SVIL: variants seen among roughly 807,000 people sequenced by gnomAD.
SVIL encodes supervillin.
A neutral mutation model predicts 240.4 loss-of-function variants in SVIL; 101 were observed. That is an observed-to-expected ratio of 0.42 (90% CI 0.36 to 0.50). SVIL has a LOEUF of 0.50. SVIL is among the 20% of genes least tolerant of loss of function. The pLI is 0.01. For missense variants in SVIL, 2,512 were observed against 2,818.7 expected (o/e 0.89, Z 2.46); for synonymous variants, 999 against 1,100.0 (o/e 0.91, Z 1.82).
chr10:29,538,659 G>C (rs1951914714), intron 6 of SVIL, among the ~76,000 whole-genome samples: 1 of 152,220 alleles, frequency 6.6e-6, no homozygotes, highest in South Asian at 2.1e-4. Context: ...ATAGTGTGCT[G>C]CATGGCCAGA....
intron 3 of SVIL, among the ~76,000 whole-genome samples, chr10:29,557,464 A>C (rs927185361): frequency 1.9e-4 from 29 of 152,132 alleles, no homozygotes; most frequent in African/African-American, 6.0e-4. Flanking sequence ...TAATAAACCG[A>C]GTATCATGTA....
chr10:29,640,292 C>A (rs1359184706), intron 3 of SVIL, among the ~76,000 whole-genome samples: 2 of 152,150 alleles, frequency 1.3e-5, no homozygotes, highest in Admixed American at 1.3e-4. Flanking sequence ...CTGACCACTT[C>A]CGCCTCCATG....
chr10:29,475,388 A>G (rs1471063252), intron 29 of SVIL: 1 of 152,226 alleles, frequency 6.6e-6, no homozygotes, highest in Non-Finnish European at 1.5e-5. Context: ...GATTCCCTTC[A>G]TTCGTTCATG....
intron 3 of SVIL, among the ~76,000 whole-genome samples, chr10:29,655,879 T>TGGG (rs1958985716): frequency 9.2e-5 from 14 of 151,616 alleles, no homozygotes; most frequent in African/African-American, 2.9e-4. Flanking sequence ...TGTGGGTTTT[T>TGGG]TTTTTTTTTT....
At chr10:29,545,227 G>A (rs1300845788) in intron 6 of SVIL, 11 of 407,320 alleles carry the variant, frequency 2.7e-5, no homozygotes, top group Admixed American at 8.0e-5. Context: ...TAAACTCCAA[G>A]TGCCCAGCAC....
At chr10:29,521,912 C>A (rs1329085356) in intron 16 of SVIL, among the ~76,000 whole-genome samples, 2 of 152,186 alleles carry the variant, frequency 1.3e-5, no homozygotes, top group Non-Finnish European at 2.9e-5. Flanking sequence ...ATTTTACAAT[C>A]TGTAAAAGAA....
At chr10:29,529,207 A>T (rs1278924096) in intron 12 of SVIL, among the ~76,000 whole-genome samples, 6 of 151,266 alleles carry the variant, frequency 4.0e-5, no homozygotes, top group African/African-American at 1.5e-4. Flanking sequence ...AAAAAAAGAA[A>T]AAAAGAAAAG....
chr10:29,687,344 A>G (rs1305020525), intron 1 of SVIL, among the ~76,000 whole-genome samples: 1 of 152,090 alleles, frequency 6.6e-6, no homozygotes, highest in African/African-American at 2.4e-5. Context: ...TCAAACATTC[A>G]CCTTACCGTA....
intron 12 of SVIL, among the ~76,000 whole-genome samples, chr10:29,527,329 T>G (rs1382971993): frequency 6.6e-6 from 1 of 152,130 alleles, no homozygotes; most frequent in Admixed American, 6.5e-5. Flanking sequence ...CATGTCTTGG[T>G]GTAAAAAAAA....
chr10:29,492,315 C>A (rs1206826628), intron 21 of SVIL, among the ~76,000 whole-genome samples: 1 of 152,006 alleles, frequency 6.6e-6, no homozygotes, highest in African/African-American at 2.4e-5. Flanking sequence ...AAAAGCTACC[C>A]GTGCTGGGCT....
In SVIL at chr10:29,506,745, C is replaced by T. The variant is rs1183840830; in HGVS notation, c.3516+5990G>A. Among the ~76,000 whole-genome samples, 5 of 145,814 alleles carry T rather than the reference C, an allele frequency of 3.4e-5. 1 individual carries two copies. In the South Asian group the frequency reaches 6.7e-4, roughly 19 times the overall value. ...ACTCTACGAAGGAGGGGACAGAGGC[C>T]CTAGAGGGAGGGGACAGAGGCCCTA... On this transcript the variant is annotated intron_variant, in intron 17 of 37. Transcript: ENST00000355867.
At chr10:29,555,345 T>C (rs1547171) in intron 3 of SVIL, among the ~76,000 whole-genome samples, 48,482 of 105,808 alleles carry the variant, frequency 0.46, 8,416 homozygotes, top group African/African-American at 0.59. Flanking sequence ...CACACACACA[T>C]GGACACACCC....
chr10:29,727,176 A>G (rs914538161), intron 1 of SVIL, among the ~76,000 whole-genome samples: 2 of 152,236 alleles, frequency 1.3e-5, no homozygotes, highest in African/African-American at 4.8e-5. Context: ...ACATAATAAT[A>G]TAGGTGGATA....
chr10:29,490,784 G>A (rs1947883305), intron 22 of SVIL, 63 bp downstream of exon 22: 3 of 1,593,186 alleles, frequency 1.9e-6, no homozygotes, highest in South Asian at 2.3e-5. Context: ...ACCAAGCAAT[G>A]AGTAGAGCAT....
intron 2 of SVIL, among the ~76,000 whole-genome samples, chr10:29,567,732 C>T (rs915935741): frequency 3.9e-5 from 6 of 152,048 alleles, no homozygotes; most frequent in Admixed American, 1.3e-4. Context: ...GAGACCAAGC[C>T]GAGGCCAGGC....
intron 16 of SVIL, among the ~76,000 whole-genome samples, chr10:29,515,946 T>A (rs557765327): frequency 6.6e-6 from 1 of 152,116 alleles, no homozygotes; most frequent in East Asian, 1.9e-4. Context: ...ACACTGGGAA[T>A]TGTTATTCCC....
chr10:29,532,143 C>T lies in SVIL; in HGVS notation c.1868G>A (p.Gly623Glu). 6.2e-7 allele frequency: 1 copy of T among 1,613,954 alleles called. No homozygotes were observed. The highest frequency in any genetic ancestry group is 8.5e-7 in the Non-Finnish European group (1 of 1,179,880). Reference sequence around the variant, plus strand: ...TTCCACACCGGTGGGCAAGCCAGGTCCTTCAGCCGACCTCTCCACCCGTGA... The same window carrying T: ...TTCCACACCGGTGGGCAAGCCAGGTTCTTCAGCCGACCTCTCCACCCGTGA... ...LKSRVERSAE[G>E]PGLPTGVERE... The change falls in exon 9 of 38, where the codon GGA becomes GAA. Residue 623 changes from glycine (G) to glutamate (E), a missense_variant. Transcript: ENST00000355867.
chr10:29,730,267 G>C (rs190988666), intron 1 of SVIL, among the ~76,000 whole-genome samples: 5 of 152,350 alleles, frequency 3.3e-5, no homozygotes, highest in Admixed American at 6.5e-5. Context: ...TTATCCCAGT[G>C]AAAGTCCTGG....
intron 36 of SVIL, among the ~76,000 whole-genome samples, chr10:29,460,420 C>G (rs183213243): frequency 1.3e-5 from 2 of 152,224 alleles, no homozygotes; most frequent in Admixed American, 1.3e-4. Context: ...CTGCTAACCC[C>G]CAAGATCTAT....
Sources: gnomAD v4.1 joint callset for allele counts (sites outside exome capture counted in the v4.1 genomes callset) on GRCh38, gnomAD v4.1.1 for gene constraint, MANE v1.5 for transcripts, NCBI Gene and HGNC (gene_info 2026-07-23, HGNC 2026-07-21) for gene names.